HDAC9: variants seen among roughly 807,000 people sequenced by gnomAD.
HDAC9 encodes histone deacetylase 9.
In HDAC9, 41 loss-of-function variants were observed where a neutral mutation model predicts 139.4. The observed-to-expected ratio is 0.29, with a 90% CI of 0.23 to 0.38. The LOEUF (loss-of-function observed/expected upper bound fraction) is 0.38. Among genes scored for constraint, HDAC9 ranks in the 10% least tolerant of loss-of-function variants. HDAC9 has a pLI of 1.00. For synonymous variants in HDAC9, 517 were observed against 476.2 expected, an observed-to-expected ratio of 1.09 and a Z score of -1.12; for missense variants, 1,147 against 1,297.0, an observed-to-expected ratio of 0.88 and a Z score of 1.78.
chr7:18,178,966 G>C (rs1473163687), intron 2 of HDAC9, among the ~76,000 whole-genome samples: 2 of 152,132 alleles, frequency 1.3e-5, no homozygotes, highest in African/African-American at 4.8e-5. Flanking sequence ...TAAACTTTCT[G>C]TGTGTCTCCA....
At chr7:18,475,280 T>G (rs377227520) in intron 1 of HDAC9, among the ~76,000 whole-genome samples, 1 of 152,232 alleles carries the variant, frequency 6.6e-6, no homozygotes, top group Non-Finnish European at 1.5e-5. Flanking sequence ...CCAAATATTC[T>G]GTTTCTTGAA....
intron 1 of HDAC9, among the ~76,000 whole-genome samples, chr7:18,317,128 A>C (rs1204987078): frequency 1.4e-5 from 2 of 146,608 alleles, no homozygotes; most frequent in African/African-American, 5.0e-5. Context: ...TAAATAAATA[A>C]ATAAATAAAT....
chr7:18,463,452 A>T (rs533796983), intron 1 of HDAC9, among the ~76,000 whole-genome samples: 78 of 151,970 alleles, frequency 5.1e-4, no homozygotes, highest in Middle Eastern at 3.4e-3. Context: ...ATTTACTTAT[A>T]TGTCAGTTGT....
At chr7:18,327,373 G>T (rs916218385) in intron 1 of HDAC9, 8 of 151,810 alleles carry the variant, frequency 5.3e-5, no homozygotes, top group Non-Finnish European at 8.8e-5. Context: ...TTAATTTGCA[G>T]TAATAATCAC....
Position 18,644,045 on chromosome 7 carries a change from G to C in HDAC9, c.913-626G>C, listed in dbSNP as rs1786578191. On this transcript the variant is annotated intron_variant, in intron 8 of 25. Transcript: ENST00000686413. The stretch of plus-strand genomic sequence containing the variant: ...AGCACAGTGATGCCAAAACGTTCAG[G>C]GTATTTCAATGTAAATGAAGCCTAC... Among the ~76,000 whole-genome samples the C allele has an allele frequency of 1.3e-5, 2 of 151,866 alleles. 1 individual carries two copies. Among genetic ancestry groups the C allele is most frequent in the South Asian group, 4.1e-4 (2 of 4,824 alleles).
chr7:18,767,676 T>A (rs930242533), intron 16 of HDAC9, among the ~76,000 whole-genome samples: 1 of 152,144 alleles, frequency 6.6e-6, no homozygotes, highest in Non-Finnish European at 1.5e-5. Context: ...TGACTCAACA[T>A]ATTTAGACCA....
intron 12 of HDAC9, among the ~76,000 whole-genome samples, chr7:18,714,108 GA>G (rs1234096197): frequency 1.3e-5 from 2 of 152,154 alleles, no homozygotes; most frequent in Non-Finnish European, 2.9e-5. Context: ...TGTGCTCTGA[GA>G]GTTCAAATAA....
intron 2 of HDAC9, among the ~76,000 whole-genome samples, chr7:18,575,004 G>A (rs1825572231): frequency 6.6e-6 from 1 of 152,240 alleles, no homozygotes; most frequent in South Asian, 2.1e-4. Context: ...AGCTCCTGCG[G>A]GCTCCATGGA....
intron 17 of HDAC9, among the ~76,000 whole-genome samples, chr7:18,798,062 A>G (rs1361744437): frequency 6.6e-6 from 1 of 152,064 alleles, no homozygotes; most frequent in African/African-American, 2.4e-5. Context: ...CTTCTGCAAG[A>G]CATTGTTGTT....
At position 18,336,764 on chromosome 7, in the gene HDAC9, G is replaced by A. The variant is rs917946095; in HGVS notation, c.-42+46249G>A. 1.8e-4 allele frequency among the ~76,000 whole-genome samples: 27 copies of A among 151,492 alleles called. 1 individual carries two copies. The highest frequency in any genetic ancestry group is 4.4e-4 in the African/African-American group (18 of 41,338). On this transcript the variant is annotated intron_variant, in intron 1 of 3. Coordinates refer to the HDAC9 transcript ENST00000413509. ...ATTCTTTTGAGGAAGCCAATTGAAC[G>A]TTAAGTTCTTATGGATGTATTTCTT... is the stretch of plus-strand genomic sequence containing the variant.
In HDAC9 at chr7:18,998,383, A is replaced by G. The variant is rs528456515; in HGVS notation, c.*2321A>G. 1.3e-5 allele frequency: 2 copies of G among 152,330 alleles called. No individual in the cohort carries two copies. Among genetic ancestry groups the G allele is most frequent in the Admixed American group, 1.3e-4 (2 of 15,300 alleles). The allele number at this position is 152,330 out of a possible 1,614,324, so 9.4% of individuals were successfully genotyped here. On this transcript the variant is annotated 3_prime_UTR_variant, in exon 26 of 26. Transcript: ENST00000686413. The stretch of plus-strand genomic sequence containing the variant: ...CATCTCCATGGTTATTTAGATTTAA[A>G]ACTTGACACATTAATGAGTTAATCA...
chr7:18,920,722 A>G (rs1803630016), intron 22 of HDAC9, among the ~76,000 whole-genome samples: 2 of 152,168 alleles, frequency 1.3e-5, no homozygotes, highest in Middle Eastern at 6.8e-3. Context: ...GAATTTTGTC[A>G]AAGGCCTTTT....
Position 18,926,719 on chromosome 7 carries a change from G to A in HDAC9, c.2804-9090G>A, listed in dbSNP as rs1804260821. 9.9e-5 allele frequency among the ~76,000 whole-genome samples: 15 copies of A among 152,252 alleles called. No homozygotes were observed. The South Asian group carries it at 3.1e-3, about 32-fold the overall frequency. ...GCCATTTATTTTCTCAGGAATTTCT[G>A]AGGATCAATTTTGTCTTACAAAAAA... On this transcript the variant is annotated intron_variant, in intron 22 of 25. Coordinates refer to ENST00000686413, the MANE Select transcript of HDAC9 (RefSeq NM_178425.4).
At chr7:18,697,522 G>C (rs966995196) in intron 12 of HDAC9, among the ~76,000 whole-genome samples, 7 of 152,072 alleles carry the variant, frequency 4.6e-5, no homozygotes, top group African/African-American at 1.7e-4. Context: ...TGTTTGGAAA[G>C]ACAGTAAATA....
intron 7 of HDAC9, 96 bp from the exon 8 acceptor site, chr7:18,634,531 G>T: frequency 1.4e-6 from 1 of 727,812 alleles, no homozygotes; most frequent in South Asian, 1.9e-5. Flanking sequence ...TTTACATAGG[G>T]GGAAAATAAC....
chr7:18,532,256 C>A (rs559199838), intron 2 of HDAC9, among the ~76,000 whole-genome samples: 17 of 152,076 alleles, frequency 1.1e-4, no homozygotes, highest in East Asian at 5.8e-4. Flanking sequence ...ACAACAACAA[C>A]AAAAAACCAA....
intron 22 of HDAC9, among the ~76,000 whole-genome samples, chr7:18,908,567 C>T (rs7788734): frequency 0.33 from 49,456 of 151,662 alleles, 8,262 homozygotes; most frequent in Middle Eastern, 0.37. Flanking sequence ...TTCCCAACTT[C>T]TGGTAAACAC....
At chr7:18,773,610 T>A (rs2129166258) in intron 16 of HDAC9, among the ~76,000 whole-genome samples, 1 of 152,168 alleles carries the variant, frequency 6.6e-6, no homozygotes, top group East Asian at 1.9e-4. Context: ...CATACTTGAA[T>A]AGATTTGAAA....
At chr7:18,339,407 A>G (rs1027827909) in intron 1 of HDAC9, among the ~76,000 whole-genome samples, 1 of 151,552 alleles carries the variant, frequency 6.6e-6, no homozygotes, top group African/African-American at 2.4e-5. Context: ...TTAATGCTAT[A>G]AATTTTCCCC....
Sources: gnomAD v4.1 joint callset for allele counts (sites outside exome capture counted in the v4.1 genomes callset) on GRCh38, gnomAD v4.1.1 for gene constraint, MANE v1.5 for transcripts, NCBI Gene and HGNC (gene_info 2026-07-23, HGNC 2026-07-21) for gene names.